STX7: variants seen among roughly 807,000 people sequenced by gnomAD.
The protein encoded by STX7 is syntaxin-7.
Under a neutral mutation model 39.6 loss-of-function variants are expected in STX7, and 34 were observed. That is an observed-to-expected ratio of 0.86 (90% confidence interval 0.65 to 1.14). The LOEUF is 1.14. Ranked by LOEUF, STX7 falls within the 50% of genes most tolerant of loss-of-function variation. The probability of loss-of-function intolerance (pLI) is 0.00; values close to 1 mark genes in which losing one functional copy is unlikely to be tolerated. For missense variants in STX7, 284 were observed against 310.4 expected (o/e 0.92, Z 0.64); for synonymous variants, 119 against 99.1 (o/e 1.20, Z -1.19).
chr6:132,509,214 C>A (rs1456785658), intron 1 of STX7, among the ~76,000 whole-genome samples: 1 of 152,050 alleles, frequency 6.6e-6, no homozygotes, highest in Non-Finnish European at 1.5e-5. Flanking sequence ...AATCCCGGAA[C>A]TTTGGAAGGC....
chr6:132,461,820 A>G, intron 9 of STX7: 1 of 1,532,616 alleles, frequency 6.5e-7, no homozygotes, highest in East Asian at 2.5e-5. Flanking sequence ...GATTTCTTTA[A>G]TGGCGTTTGT....
chr6:132,497,356 A>G (rs1360569001), intron 2 of STX7, among the ~76,000 whole-genome samples: 3 of 152,218 alleles, frequency 2.0e-5, no homozygotes, highest in African/African-American at 7.2e-5. Context: ...TAAAAAAAGG[A>G]AAATTAATCA....
intron 2 of STX7, 34 bp from the exon 3 acceptor site, chr6:132,475,696 A>C: frequency 6.7e-7 from 1 of 1,485,058 alleles, no homozygotes; most frequent in Non-Finnish European, 9.3e-7. Context: ...ATTAATTGTC[A>C]CAAAAGTTAA....
intron 2 of STX7, among the ~76,000 whole-genome samples, chr6:132,495,995 G>C (rs569809213): frequency 6.6e-6 from 1 of 152,090 alleles, no homozygotes; most frequent in Non-Finnish European, 1.5e-5. Flanking sequence ...AATGAAACAA[G>C]TGAAGATTCA....
chr6:132,503,537 T>C lies in STX7; in HGVS notation c.-7A>G, dbSNP rs777797094. On this transcript the variant is annotated 5_prime_UTR_variant, in exon 2 of 10. Transcript: ENST00000367941. ...CTCCTGGAGTGTAAGACATGGTTGA[T>C]GTTCTTATTCGCTAATTTCATCAGA... 1.9e-6 allele frequency: 3 copies of C among 1,612,910 alleles called. No individual in the cohort carries two copies. The highest frequency in any genetic ancestry group is 4.5e-5 in the East Asian group (2 of 44,862).
In STX7 at chr6:132,472,310, C is replaced by T. The variant is rs1237596474; in HGVS notation, c.221G>A (p.Gly74Glu). 1 of 1,613,282 alleles carries T rather than the reference C, an allele frequency of 6.2e-7. No individual in the cohort carries two copies. Among genetic ancestry groups the T allele is most frequent in the African/African-American group, 1.3e-5 (1 of 74,840 alleles). ...KETDKYIKEF[G>E]SLPTTPSEQR... ...TTCACTGGGGGTGGTGGGCAGAGAT[C>T]CAAACTCTTTAATGTACTTATCTGT... is the stretch of plus-strand genomic sequence containing the variant. Residue 74 changes from glycine to glutamate, a missense_variant, in exon 4 of 10, where the codon GGA becomes GAA. Transcript: ENST00000367941.
At chr6:132,498,299 T>G (rs1330769101) in intron 2 of STX7, among the ~76,000 whole-genome samples, 1 of 152,056 alleles carries the variant, frequency 6.6e-6, no homozygotes, top group Non-Finnish European at 1.5e-5. Context: ...TTATGCTTAA[T>G]ATAAATTATA....
intron 9 of STX7, among the ~76,000 whole-genome samples, chr6:132,461,552 T>C (rs1403765543): frequency 2.0e-5 from 3 of 152,038 alleles, no homozygotes; most frequent in African/African-American, 7.2e-5. Flanking sequence ...CCTCATGATC[T>C]GCCCACTTCG....
At chr6:132,496,135 T>C (rs957385763) in intron 2 of STX7, among the ~76,000 whole-genome samples, 1 of 152,204 alleles carries the variant, frequency 6.6e-6, no homozygotes, top group Admixed American at 6.5e-5. Flanking sequence ...ATGTGATACA[T>C]GATGCATATT....
At chr6:132,496,390 A>G (rs775988202) in intron 2 of STX7, among the ~76,000 whole-genome samples, 4 of 152,068 alleles carry the variant, frequency 2.6e-5, no homozygotes, top group Non-Finnish European at 5.9e-5. Flanking sequence ...ATTTCTATTC[A>G]CCAATTTCCT....
chr6:132,484,891 C>CT (rs1398678257), intron 2 of STX7, among the ~76,000 whole-genome samples: 1 of 152,184 alleles, frequency 6.6e-6, no homozygotes, highest in East Asian at 1.9e-4. Context: ...CTGTCATAAA[C>CT]TTTAACCGAG....
At chr6:132,511,989 A>G (rs1211490467) in intron 1 of STX7, among the ~76,000 whole-genome samples, 1 of 152,214 alleles carries the variant, frequency 6.6e-6, no homozygotes, top group Non-Finnish European at 1.5e-5. Context: ...TGAAGTTAAG[A>G]GCATAATTCT....
At position 132,448,415 on chromosome 6, in the gene STX7, A is replaced by C. The variant is rs914358268; in HGVS notation, c.*12343T>G. On this transcript the variant is annotated 3_prime_UTR_variant, in exon 10 of 10. Coordinates refer to ENST00000367941, the MANE Select transcript of STX7 (RefSeq NM_003569.3). ...TTTGTAAATTCTCATTTTGAGAAAAAAGTGTTTTTAATATACCCTTGATTT... is the reference window on the plus strand; with the variant it reads ...TTTGTAAATTCTCATTTTGAGAAAACAGTGTTTTTAATATACCCTTGATTT... 2.0e-5 allele frequency: 3 copies of C among 152,116 alleles called. No homozygotes were observed. The highest frequency in any genetic ancestry group is 7.2e-5 in the African/African-American group (3 of 41,418). The allele number at this position is 152,116 out of a possible 1,614,324, so 9.4% of individuals were successfully genotyped here. A position where few individuals can be genotyped will look rare whatever the true frequency, so the allele number is the denominator to read the frequency against.
chr6:132,494,965 T>C (rs1388710945), intron 2 of STX7, among the ~76,000 whole-genome samples: 1 of 152,104 alleles, frequency 6.6e-6, no homozygotes, highest in Non-Finnish European at 1.5e-5. Context: ...ATGGCAGAGA[T>C]GGAGAGACAC....
intron 2 of STX7, among the ~76,000 whole-genome samples, chr6:132,488,821 G>T (rs971087862): frequency 6.6e-6 from 1 of 152,000 alleles, no homozygotes. Flanking sequence ...TCTAAATATT[G>T]AAAGAAACAA....
intron 2 of STX7, among the ~76,000 whole-genome samples, chr6:132,489,254 A>G (rs1775218894): frequency 6.6e-6 from 1 of 151,192 alleles, no homozygotes; most frequent in Non-Finnish European, 1.5e-5. Flanking sequence ...CATTTTAGAA[A>G]TGGCATAGAT....
At chr6:132,477,446 A>G (rs1774902353) in intron 2 of STX7, among the ~76,000 whole-genome samples, 1 of 152,138 alleles carries the variant, frequency 6.6e-6, no homozygotes, top group Non-Finnish European at 1.5e-5. Context: ...ATTATTTAAT[A>G]AATGACACCA....
At chr6:132,477,683 T>C (rs563247116) in intron 2 of STX7, among the ~76,000 whole-genome samples, 8 of 152,236 alleles carry the variant, frequency 5.3e-5, no homozygotes, top group East Asian at 1.9e-4. Flanking sequence ...GAGGAAAATA[T>C]TGACAAATTT....
At position 132,456,134 on chromosome 6, in the gene STX7, G is replaced by C. The variant is rs1341536270; in HGVS notation, c.*4624C>G. 6.6e-6 allele frequency: 1 copy of C among 152,114 alleles called. No individual in the cohort carries two copies. Among genetic ancestry groups the C allele is most frequent in the Admixed American group, 6.5e-5 (1 of 15,284 alleles). 9.4% of individuals were successfully genotyped at this position (152,114 alleles called of 1,614,324 possible). A position where few individuals can be genotyped will look rare whatever the true frequency, so the allele number is the denominator to read the frequency against. On this transcript the variant is annotated 3_prime_UTR_variant, in exon 10 of 10. Transcript: ENST00000367941. ...CTCTGAATCCAACTGCTGCCACCAA[G>C]AGAACGGCTCCTTTTTGGAGCCATT... is the stretch of plus-strand genomic sequence containing the variant.
Sources: gnomAD v4.1 joint callset for allele counts (sites outside exome capture counted in the v4.1 genomes callset) on GRCh38, gnomAD v4.1.1 for gene constraint, MANE v1.5 for transcripts, NCBI Gene and HGNC (gene_info 2026-07-23, HGNC 2026-07-21) for gene names.